The following WFDC1 variants were observed in gnomAD, a reference collection of about 807,000 sequenced individuals.
The protein encoded by WFDC1 is WAP four-disulfide core domain protein 1.
In WFDC1, 39 loss-of-function variants were observed where a neutral mutation model predicts 32.9. That is an observed-to-expected ratio of 1.19 (90% CI 0.92 to 1.55). WFDC1 has a LOEUF of 1.55. WFDC1 is among the 40% of genes most tolerant of loss of function. The probability of loss-of-function intolerance (pLI) is 0.00; values close to 1 mark genes in which losing one functional copy is unlikely to be tolerated. For missense variants in WFDC1, 386 were observed against 309.5 expected, an observed-to-expected ratio of 1.25 and a Z score of -1.85; for synonymous variants, 184 against 137.4, an observed-to-expected ratio of 1.34 and a Z score of -2.37.
intron 4 of WFDC1, among the ~76,000 whole-genome samples, chr16:84,322,772 G>A (rs904053478): frequency 1.3e-5 from 2 of 152,186 alleles, no homozygotes; most frequent in Non-Finnish European, 2.9e-5. Context: ...AGTAAATCTG[G>A]TTTTTCAGAG....
chr16:84,326,755 C>A (rs4782921), intron 5 of WFDC1, 127 bp from the exon 6 acceptor site: 156,024 of 1,055,978 alleles, frequency 0.15, 12,824 homozygotes, highest in African/African-American at 0.3. Flanking sequence ...GACTGAGTGA[C>A]CTCAGCTGGG....
At chr16:84,318,614 G>A in intron 3 of WFDC1, 2 of 406,680 alleles carry the variant, frequency 4.9e-6, no homozygotes, top group South Asian at 3.1e-5. Context: ...GAGAATTGAA[G>A]GGGAGGGGGC....
At chr16:84,326,982 G>A (rs1421200404) in intron 6 of WFDC1, 27 bp downstream of exon 6, 2 of 1,612,548 alleles carry the variant, frequency 1.2e-6, no homozygotes, top group Non-Finnish European at 1.7e-6. Flanking sequence ...CAAGAGTCAT[G>A]GCCAGGGTAA....
intron 1 of WFDC1, among the ~76,000 whole-genome samples, chr16:84,309,205 G>A (rs750816194): frequency 6.6e-6 from 1 of 152,184 alleles, no homozygotes; most frequent in Non-Finnish European, 1.5e-5. Flanking sequence ...TTGCTGGCAT[G>A]TAAGGACAAG....
At chr16:84,302,428 G>A (rs1439027964) in intron 1 of WFDC1, among the ~76,000 whole-genome samples, 1 of 152,132 alleles carries the variant, frequency 6.6e-6, no homozygotes, top group Non-Finnish European at 1.5e-5. Flanking sequence ...CACCTCTCGG[G>A]AATTCTGCGA....
At chr16:84,311,519 C>A (rs1178754517) in intron 1 of WFDC1, among the ~76,000 whole-genome samples, 1 of 135,584 alleles carries the variant, frequency 7.4e-6, no homozygotes, top group African/African-American at 2.9e-5. Context: ...TGAGCCACTG[C>A]GCCTGGACTT....
At chr16:84,326,704 G>A in intron 5 of WFDC1, 178 bp from the exon 6 acceptor site, 2 of 644,704 alleles carry the variant, frequency 3.1e-6, no homozygotes, top group South Asian at 3.6e-5. Context: ...GGTGACACCA[G>A]CTGGGGGGCC....
intron 2 of WFDC1, among the ~76,000 whole-genome samples, chr16:84,313,700 T>C (rs1047077334): frequency 6.6e-6 from 1 of 152,122 alleles, no homozygotes; most frequent in African/African-American, 2.4e-5. Context: ...GTATTTGAGG[T>C]GGAGACCAGG....
At chr16:84,320,731 C>A (rs147391582) in intron 4 of WFDC1, among the ~76,000 whole-genome samples, 1 of 152,156 alleles carries the variant, frequency 6.6e-6, no homozygotes, top group Non-Finnish European at 1.5e-5. Flanking sequence ...GAGACCACAC[C>A]CAGGGGCCCC....
intron 1 of WFDC1, among the ~76,000 whole-genome samples, chr16:84,305,574 C>T (rs768944900): frequency 2.4e-4 from 37 of 152,264 alleles, no homozygotes; most frequent in Non-Finnish European, 2.4e-4. Context: ...TCTAACCTAA[C>T]GCTATGGAGA....
rs549922314 is a variant in WFDC1, at chr16:84,328,501, C to G, written c.*16-821C>G. ...CCGGAAAATCTGGAGCCCGTAGGGA[C>G]TGATGCCAGCACGTCTGTTACCTGC... On this transcript the variant is annotated intron_variant, in intron 6 of 6. Coordinates refer to ENST00000219454, the MANE Select transcript of WFDC1 (RefSeq NM_021197.4). 26 of 152,342 alleles carry G rather than the reference C, an allele frequency of 1.7e-4. 1 individual carries two copies. The highest frequency in any genetic ancestry group is 5.8e-4 in the African/African-American group (24 of 41,584). The allele number at this position is 152,342 out of a possible 1,614,324, so 9.4% of individuals were successfully genotyped here.
At chr16:84,306,228 G>A (rs1907248535) in intron 1 of WFDC1, among the ~76,000 whole-genome samples, 1 of 152,014 alleles carries the variant, frequency 6.6e-6, no homozygotes, top group African/African-American at 2.4e-5. Context: ...ACAGCCATGG[G>A]GTTCAAACCC....
At chr16:84,311,865 A>G (rs888037561) in intron 1 of WFDC1, among the ~76,000 whole-genome samples, 3 of 151,658 alleles carry the variant, frequency 2.0e-5, no homozygotes, top group Admixed American at 2.0e-4. Context: ...TGAACTTTTT[A>G]TTAAAACATA....
Position 84,326,948 on chromosome 16 carries a change from G to A in WFDC1, c.*8G>A, listed in dbSNP as rs778718216. ...CAGAAGCACTTTCAGTAAAGCAACG[G>A]CAAGCAGGTGAGTGGGCAGAGAGCA... On this transcript the variant is annotated 3_prime_UTR_variant, in exon 6 of 7. Transcript: ENST00000219454. 5 of 1,613,982 alleles carry A rather than the reference G, an allele frequency of 3.1e-6. No homozygotes were observed. Among genetic ancestry groups the A allele is most frequent in the Admixed American group, 1.7e-5 (1 of 59,996 alleles).
rs1178754517 is a variant in WFDC1 at position 84,311,519 on chromosome 16, C to T, written c.145-1442C>T. ...CTGGGATTACAGGTGTGAGCCACTG[C>T]GCCTGGACTTTTTTTTTTTTTTTTT... On this transcript the variant is annotated intron_variant, in intron 1 of 6. Coordinates refer to ENST00000219454, the MANE Select transcript of WFDC1 (RefSeq NM_021197.4). 8.1e-5 allele frequency among the ~76,000 whole-genome samples: 11 copies of T among 135,662 alleles called. No individual in the cohort carries two copies. In the South Asian group the frequency reaches 1.5e-3, roughly 18 times the overall value. 89.0% of individuals were successfully genotyped at this position (135,662 alleles called of 152,430 possible). A position where few individuals can be genotyped will look rare whatever the true frequency, so the allele number is the denominator to read the frequency against.
chr16:84,297,029 C>G (rs1281005758), intron 1 of WFDC1: 1 of 152,140 alleles, frequency 6.6e-6, no homozygotes, highest in Non-Finnish European at 1.5e-5. Flanking sequence ...GTTCTACAAC[C>G]ATAGAGAGAT....
Position 84,313,129 on chromosome 16 carries a change from C to G in WFDC1, c.313C>G (p.Leu105Val). Residue 105 changes from leucine (L) to valine (V), a missense_variant, in exon 2 of 7, where the codon CTA becomes GTA. Leu to Val is a conservative substitution (Grantham distance 32). Transcript: ENST00000219454. Reference sequence around the variant, plus strand: ...CTACAACGGATGCGCCTACGCCTGCCTAGAAGCTGTGCCGCCCCCGCCAGG... The same window carrying G: ...CTACAACGGATGCGCCTACGCCTGCGTAGAAGCTGTGCCGCCCCCGCCAGG... The part of the protein sequence containing the change: ...CCYNGCAYAC[L>V]EAVPPPPVLD... The G allele has an allele frequency of 6.9e-7, 1 of 1,444,858 alleles. No individual in the cohort carries two copies. Among genetic ancestry groups the G allele is most frequent in the Non-Finnish European group, 9.0e-7 (1 of 1,108,000 alleles). The allele number at this position is 1,444,858 out of a possible 1,614,324, so 89.5% of individuals were successfully genotyped here.
chr16:84,321,621 A>G (rs916477899), intron 4 of WFDC1, among the ~76,000 whole-genome samples: 1 of 152,252 alleles, frequency 6.6e-6, no homozygotes, highest in Non-Finnish European at 1.5e-5. Context: ...GGTTCAAACC[A>G]GTTAAAAAAA....
At chr16:84,312,929 C>G in intron 1 of WFDC1, 32 bp from the exon 2 acceptor site, 2 of 1,146,142 alleles carry the variant, frequency 1.7e-6, no homozygotes, top group Non-Finnish European at 1.1e-6. Context: ...AACGCGCGCC[C>G]CAGAGCTGCT....
Sources: gnomAD v4.1 joint callset for allele counts (sites outside exome capture counted in the v4.1 genomes callset) on GRCh38, gnomAD v4.1.1 for gene constraint, MANE v1.5 for transcripts, NCBI Gene and HGNC (gene_info 2026-07-23, HGNC 2026-07-21) for gene names.